The following AKAP6 variants were observed in gnomAD, a reference collection of about 807,000 sequenced individuals.
The protein encoded by AKAP6 is A-kinase anchor protein 6.
AKAP6 carries 58 observed loss-of-function variants against 188.5 expected under a neutral mutation model. That is an observed-to-expected ratio of 0.31 (90% CI 0.25 to 0.38). The LOEUF (loss-of-function observed/expected upper bound fraction) is 0.38, where lower values mean the gene tolerates loss of function less well. Ranked by LOEUF, AKAP6 falls within the 10% of genes least tolerant of loss-of-function variation. AKAP6 has a pLI of 1.00. For missense variants in AKAP6, 2,710 were observed against 2,740.0 expected (o/e 0.99, Z 0.24); for synonymous variants, 989 against 998.6 (o/e 0.99, Z 0.18).
chr14:32,480,094 G>A (rs1394087906), intron 2 of AKAP6, among the ~76,000 whole-genome samples: 1 of 152,122 alleles, frequency 6.6e-6, no homozygotes, highest in Non-Finnish European at 1.5e-5. Context: ...CTTGGAGTTG[G>A]GGTTTGTGTC....
intron 2 of AKAP6, among the ~76,000 whole-genome samples, chr14:32,509,926 C>G (rs1331546867): frequency 6.6e-6 from 1 of 152,150 alleles, no homozygotes; most frequent in Admixed American, 6.5e-5. Flanking sequence ...GAAGCTGCCT[C>G]TCCCGGAAAT....
chr14:32,695,919 T>C, intron 8 of AKAP6, 71 bp from the exon 9 acceptor site: 1 of 1,492,494 alleles, frequency 6.7e-7, no homozygotes, highest in South Asian at 1.3e-5. Flanking sequence ...TTCAAGAATA[T>C]ATTATTCTAA....
At chr14:32,545,156 A>G (rs1201938551) in intron 3 of AKAP6, 74 bp from the exon 4 acceptor site, 2 of 1,429,090 alleles carry the variant, frequency 1.4e-6, no homozygotes, top group East Asian at 4.6e-5. Flanking sequence ...CCTGTACTGC[A>G]ATTTCATTTA....
At chr14:32,747,469 A>C (rs934492392) in intron 11 of AKAP6, among the ~76,000 whole-genome samples, 1 of 152,230 alleles carries the variant, frequency 6.6e-6, no homozygotes, top group Admixed American at 6.5e-5. Flanking sequence ...TCTACATATC[A>C]TAGATACATT....
chr14:32,692,496 A>G (rs539477620), intron 8 of AKAP6, among the ~76,000 whole-genome samples: 1 of 152,338 alleles, frequency 6.6e-6, no homozygotes, highest in South Asian at 2.1e-4. Context: ...ATTTTAAGTA[A>G]GTGAATTTAC....
chr14:32,821,721 C>G lies in AKAP6; in HGVS notation c.3908C>G (p.Pro1303Arg). 1.9e-6 allele frequency: 3 copies of G among 1,613,802 alleles called. No individual in the cohort carries two copies. Among genetic ancestry groups the G allele is most frequent in the Admixed American group, 1.7e-5 (1 of 59,904 alleles). Residue 1303 changes from proline (P) to arginine (R), a missense_variant, in exon 13 of 14, where the codon CCA becomes CGA. By Grantham distance (103) the Pro-to-Arg change is moderately radical (BLOSUM62 -2). This residue lies in a region of AKAP6 where 2,473 missense variants were observed against 2,426.1 expected (regional missense o/e 1.02). Coordinates refer to ENST00000280979, the MANE Select transcript of AKAP6 (RefSeq NM_004274.5). ...NVELYEDNHM[P>R]FLKNNPKVTG... Reference sequence around the variant, plus strand: ...GAACTCTATGAGGACAACCACATGCCATTTCTGAAAAACAATCCAAAGGTC... The same window carrying G: ...GAACTCTATGAGGACAACCACATGCGATTTCTGAAAAACAATCCAAAGGTC...
At chr14:32,591,923 G>A (rs112620532) in intron 5 of AKAP6, among the ~76,000 whole-genome samples, 2,974 of 152,246 alleles carry the variant, frequency 0.02, 41 homozygotes, top group Non-Finnish European at 0.032. Flanking sequence ...AAAGTTAATT[G>A]ATGATTTGGG....
intron 2 of AKAP6, among the ~76,000 whole-genome samples, chr14:32,499,265 T>C (rs1019755366): frequency 3.3e-5 from 5 of 151,242 alleles, no homozygotes; most frequent in Non-Finnish European, 5.9e-5. Context: ...TTTATCAACT[T>C]TTATCAAGCT....
chr14:32,530,870 C>T (rs1301390811), intron 2 of AKAP6, among the ~76,000 whole-genome samples: 1 of 152,070 alleles, frequency 6.6e-6, no homozygotes, highest in African/African-American at 2.4e-5. Context: ...CATAAGCATA[C>T]AACCCAATTT....
intron 7 of AKAP6, among the ~76,000 whole-genome samples, chr14:32,622,686 A>G (rs1886864879): frequency 6.6e-6 from 1 of 152,148 alleles, no homozygotes; most frequent in Non-Finnish European, 1.5e-5. Flanking sequence ...AAACTCATAT[A>G]GTTGCTGTCA....
At chr14:32,788,803 A>G (rs567629168) in intron 12 of AKAP6, among the ~76,000 whole-genome samples, 11 of 152,310 alleles carry the variant, frequency 7.2e-5, no homozygotes, top group Non-Finnish European at 1.6e-4. Flanking sequence ...ATCCCTGGCA[A>G]GGCGGGAAAT....
At chr14:32,600,494 A>G in intron 6 of AKAP6, 135 bp from the exon 7 acceptor site, 2 of 981,238 alleles carry the variant, frequency 2.0e-6, no homozygotes, top group South Asian at 2.2e-5. Flanking sequence ...ACAAATGCTG[A>G]TATGGCAGGT....
At chr14:32,693,529 T>G (rs550722607) in intron 8 of AKAP6, 1 of 152,322 alleles carries the variant, frequency 6.6e-6, no homozygotes, top group East Asian at 1.9e-4. Context: ...GGACAATATA[T>G]GAGGCAATTT....
At chr14:32,483,755 A>T (rs992357383) in intron 2 of AKAP6, among the ~76,000 whole-genome samples, 14 of 152,068 alleles carry the variant, frequency 9.2e-5, no homozygotes, top group African/African-American at 3.1e-4. Flanking sequence ...AAGTTCTGGG[A>T]TTACAGGTGT....
Position 32,824,832 on chromosome 14 carries a change from T to C in AKAP6, c.*42+17T>C, listed in dbSNP as rs1663732576. 12 of 1,528,540 alleles carry C rather than the reference T, an allele frequency of 7.9e-6. No homozygotes were observed. The highest frequency in any genetic ancestry group is 1.1e-5 in the Non-Finnish European group (12 of 1,140,380). 94.7% of individuals were successfully genotyped at this position (1,528,540 alleles called of 1,614,324 possible). A position where few individuals can be genotyped will look rare whatever the true frequency, so the allele number is the denominator to read the frequency against. ...CACTGAAAGGTACGTATAGTCCTCA[T>C]GCCGTATATGTATTTAAAATATTGA... On this transcript the variant is annotated intron_variant, in intron 13 of 13. Transcript: ENST00000280979.
At chr14:32,364,190 GA>G (rs1466899279) in intron 1 of AKAP6, among the ~76,000 whole-genome samples, 1 of 152,168 alleles carries the variant, frequency 6.6e-6, no homozygotes, top group Non-Finnish European at 1.5e-5. Context: ...AACGAAGGAA[GA>G]AAGGAGAAAG....
chr14:32,377,887 G>A (rs193146009), intron 1 of AKAP6, among the ~76,000 whole-genome samples: 137 of 152,258 alleles, frequency 9.0e-4, no homozygotes, highest in African/African-American at 3.0e-3. Flanking sequence ...TCTCTTCAAT[G>A]CCATGAAGAG....
chr14:32,516,346 A>C (rs1264160888), intron 2 of AKAP6, among the ~76,000 whole-genome samples: 3 of 152,164 alleles, frequency 2.0e-5, no homozygotes. Flanking sequence ...ATGGTAAAGG[A>C]ACTTATAAAT....
At position 32,763,722 on chromosome 14, in the gene AKAP6, T is replaced by A. The variant is rs1004917984; in HGVS notation, c.3373-9956T>A. Among the ~76,000 whole-genome samples the A allele has an allele frequency of 1.1e-4, 17 of 152,178 alleles. No individual in the cohort carries two copies. In the East Asian group the frequency reaches 1.7e-3, roughly 16 times the overall value. Reference sequence around the variant, plus strand: ...ATTTTTCAATTGCTATTTTTTGCACTTCACTGCATGCTTATAGAATATTTA... The same window carrying A: ...ATTTTTCAATTGCTATTTTTTGCACATCACTGCATGCTTATAGAATATTTA... On this transcript the variant is annotated intron_variant, in intron 11 of 13. Transcript: ENST00000280979.
Sources: allele counts gnomAD v4.1 joint callset (sites outside exome capture counted in the v4.1 genomes callset), GRCh38; gene constraint gnomAD v4.1.1; regional missense constraint gnomAD v4.1.1; transcripts MANE v1.5; gene names NCBI Gene and HGNC (gene_info 2026-07-23, HGNC 2026-07-21).